ESRRB: variants seen among roughly 807,000 people sequenced by gnomAD.
ESRRB encodes estrogen related receptor beta.
ESRRB carries 16 observed loss-of-function variants against 46.0 expected under a neutral mutation model. The ratio of observed to expected loss-of-function variants is 0.35; its 90% confidence interval spans 0.24 to 0.53. The LOEUF is 0.53. Ranked by LOEUF, ESRRB falls within the 20% of genes least tolerant of loss-of-function variation. ESRRB has a pLI of 0.93. For synonymous variants in ESRRB, 246 were observed against 259.6 expected (o/e 0.95, Z 0.50); for missense variants, 488 against 607.4 (o/e 0.80, Z 2.07).
intron 1 of ESRRB, among the ~76,000 whole-genome samples, chr14:76,344,437 A>T (rs1446477733): frequency 1.4e-5 from 2 of 139,738 alleles, no homozygotes; most frequent in Non-Finnish European, 3.1e-5. Context: ...ACTCTTCCCC[A>T]CAAGCCCCCA....
rs145336533 is a variant in ESRRB, at chr14:76,381,450, G to A, written c.50+4999G>A. Among the ~76,000 whole-genome samples the A allele has an allele frequency of 3.9e-3, 596 of 152,284 alleles. 2 individuals carry two copies. The highest frequency in any genetic ancestry group is 6.7e-3 in the Non-Finnish European group (453 of 68,018). ...TCAGGGCAATGACTGGGAGAGATCCGTAGTTGGGAGGATTTTTTCTTCCCC... is the reference window on the plus strand; with the variant it reads ...TCAGGGCAATGACTGGGAGAGATCCATAGTTGGGAGGATTTTTTCTTCCCC... On this transcript the variant is annotated intron_variant, in intron 1 of 6. Coordinates refer to ENST00000644823, the MANE Select transcript of ESRRB (RefSeq NM_001379180.1).
chr14:76,475,343 T>G (rs2140018057), intron 3 of ESRRB, among the ~76,000 whole-genome samples: 1 of 146,578 alleles, frequency 6.8e-6, no homozygotes, highest in African/African-American at 2.5e-5. Flanking sequence ...CACTGCAGCC[T>G]GGGCAACAGA....
At chr14:76,459,838 C>A (rs114061266) in intron 2 of ESRRB, among the ~76,000 whole-genome samples, 3 of 152,038 alleles carry the variant, frequency 2.0e-5, no homozygotes, top group African/African-American at 7.3e-5. Context: ...CCTCCAGCTC[C>A]CTCCCTGCAA....
At chr14:76,380,095 C>T (rs182675759) in intron 1 of ESRRB, among the ~76,000 whole-genome samples, 21 of 152,244 alleles carry the variant, frequency 1.4e-4, no homozygotes, top group Admixed American at 7.2e-4. Flanking sequence ...CTTTGTCCTG[C>T]GTGTGCTCCA....
At chr14:76,419,581 C>A (rs1356469637) in intron 1 of ESRRB, among the ~76,000 whole-genome samples, 2 of 152,116 alleles carry the variant, frequency 1.3e-5, no homozygotes, top group Non-Finnish European at 2.9e-5. Flanking sequence ...GACTGATTAC[C>A]CTGAAGACAT....
intron 5 of ESRRB, among the ~76,000 whole-genome samples, chr14:76,483,192 A>G (rs145810756): frequency 5.3e-4 from 81 of 152,294 alleles, no homozygotes; most frequent in African/African-American, 1.8e-3. Flanking sequence ...TGGCCTTGGG[A>G]ATCAGATCGG....
intron 1 of ESRRB, among the ~76,000 whole-genome samples, chr14:76,378,471 G>A (rs1021803396): frequency 3.3e-5 from 5 of 152,004 alleles, no homozygotes; most frequent in Non-Finnish European, 7.4e-5. Flanking sequence ...GCCTGACAGA[G>A]GTTTAGATCC....
At chr14:76,392,657 C>T (rs941751162) in intron 1 of ESRRB, among the ~76,000 whole-genome samples, 1 of 152,218 alleles carries the variant, frequency 6.6e-6, no homozygotes, top group Non-Finnish European at 1.5e-5. Flanking sequence ...CAGAACTACT[C>T]AGCTGACCCT....
At position 76,500,180 on chromosome 14, in the gene ESRRB, G is replaced by A. The variant is rs532134360; in HGVS notation, c.*1722G>A. ...GACGTGCTGAGGTCATCCCAGACAGGAGGGAGGGCTGGCTGAAATCCACAA... is the reference window on the plus strand; with the variant it reads ...GACGTGCTGAGGTCATCCCAGACAGAAGGGAGGGCTGGCTGAAATCCACAA... On this transcript the variant is annotated 3_prime_UTR_variant, in exon 7 of 7. Transcript: ENST00000644823. The A allele has an allele frequency of 2.2e-5, 18 of 831,680 alleles. No homozygotes were observed. In the African/African-American group the frequency reaches 2.4e-4, roughly 11 times the overall value. The allele number at this position is 831,680 out of a possible 1,614,324, so 51.5% of individuals were successfully genotyped here. A position where few individuals can be genotyped will look rare whatever the true frequency, so the allele number is the denominator to read the frequency against.
rs1196126052 is a variant in ESRRB, at chr14:76,500,587, T to TG, written c.*2130dup. On this transcript the variant is annotated 3_prime_UTR_variant, in exon 7 of 7. Transcript: ENST00000644823. ...TCAGTCTCTCACTGTGCTGTGTCCTTGCAGCGGGGCCGAGGTAGCACCCTG... is the reference window on the plus strand; with the variant it reads ...TCAGTCTCTCACTGTGCTGTGTCCTTGGCAGCGGGGCCGAGGTAGCACCCTG... 3 of 1,096,490 alleles carry TG rather than the reference T, an allele frequency of 2.7e-6. No homozygotes were observed. In the African/African-American group the frequency reaches 4.6e-5, roughly 17 times the overall value. 67.9% of individuals were successfully genotyped at this position (1,096,490 alleles called of 1,614,324 possible).
intron 5 of ESRRB, 48 bp from the exon 6 acceptor site, chr14:76,491,399 T>C: frequency 6.3e-7 from 1 of 1,592,904 alleles, no homozygotes; most frequent in Non-Finnish European, 8.5e-7. Context: ...AGGCCCCTGG[T>C]CCGCCCTCCT....
At position 76,482,084 on chromosome 14, in the gene ESRRB, C is replaced by G. The variant is rs749337079; in HGVS notation, c.646C>G (p.Pro216Ala). Residue 216 changes from proline to alanine, a missense_variant, in exon 4 of 7, where the codon CCA (proline) becomes GCA (alanine). Transcript: ENST00000644823. The surrounding 1 kb of genome is among the most constrained non-coding windows in gnomAD (Gnocchi z 4.3). Reference sequence around the variant, plus strand: ...GCGACGGCTGGACTCAGAGAGCAGCCCATACCTGAGCTTACAAATTTCTCC... The same window carrying G: ...GCGACGGCTGGACTCAGAGAGCAGCGCATACCTGAGCTTACAAATTTCTCC... Reference protein sequence around the residue: ...YKRRLDSESSPYLSLQISPPA... With the variant: ...YKRRLDSESSAYLSLQISPPA... The G allele has an allele frequency of 6.2e-7, 1 of 1,614,216 alleles. No individual in the cohort carries two copies. Among genetic ancestry groups the G allele is most frequent in the Non-Finnish European group, 8.5e-7 (1 of 1,180,034 alleles).
rs1273016983 is a variant in ESRRB, at chr14:76,491,541, C to G, written c.945C>G (p.Pro315=). ...TGGGCATCGTGTACCGCTCGCTGCC[C>G]TATGACGACAAGCTGGTGTACGCTG... ...LILGIVYRSL[P]YDDKLVYAED... The change falls in exon 6 of 7, where the codon CCC becomes CCG. Residue 315 remains proline, a synonymous_variant. Transcript: ENST00000644823. 1 of 1,597,130 alleles carries G rather than the reference C, an allele frequency of 6.3e-7. No individual in the cohort carries two copies. The highest frequency in any genetic ancestry group is 8.5e-7 in the Non-Finnish European group (1 of 1,172,368).
chr14:76,469,034 T>TC (rs1308244052), intron 3 of ESRRB, among the ~76,000 whole-genome samples: 1 of 152,076 alleles, frequency 6.6e-6, no homozygotes, highest in Non-Finnish European at 1.5e-5. Context: ...CAAACGCTGG[T>TC]CCCCCTCCTG....
intron 1 of ESRRB, among the ~76,000 whole-genome samples, chr14:76,324,230 A>C (rs147646459): frequency 6.4e-4 from 97 of 152,304 alleles, no homozygotes; most frequent in Admixed American, 1.2e-3. Flanking sequence ...GACGCTGCAG[A>C]GTTGTCCCAC....
intron 1 of ESRRB, among the ~76,000 whole-genome samples, chr14:76,365,811 T>C (rs977113154): frequency 6.6e-6 from 1 of 152,222 alleles, no homozygotes; most frequent in Non-Finnish European, 1.5e-5. Context: ...TATTTTATCA[T>C]TGACATCATT....
chr14:76,344,654 C>T (rs777521676), intron 1 of ESRRB, among the ~76,000 whole-genome samples: 7 of 152,134 alleles, frequency 4.6e-5, no homozygotes, highest in Non-Finnish European at 8.8e-5. Context: ...AGTTCAAGAC[C>T]AGCCTGGCCA....
intron 2 of ESRRB, among the ~76,000 whole-genome samples, chr14:76,454,461 G>A (rs1040888029): frequency 6.6e-6 from 1 of 152,120 alleles, no homozygotes; most frequent in Non-Finnish European, 1.5e-5. Flanking sequence ...AGAAACATGC[G>A]AGCCTATCTG....
At chr14:76,318,686 G>T (rs1472071032) in intron 1 of ESRRB, among the ~76,000 whole-genome samples, 1 of 152,180 alleles carries the variant, frequency 6.6e-6, no homozygotes, top group Non-Finnish European at 1.5e-5. Context: ...TAAGTCCCTT[G>T]AATAGTACCT....
Sources: allele counts gnomAD v4.1 joint callset (sites outside exome capture counted in the v4.1 genomes callset), GRCh38; gene constraint gnomAD v4.1.1; non-coding constraint Gnocchi (gnomAD v3.1); transcripts MANE v1.5; gene names NCBI Gene and HGNC (gene_info 2026-07-23, HGNC 2026-07-21).